ZDHHC7: variants seen among roughly 807,000 people sequenced by gnomAD.
The protein encoded by ZDHHC7 is zDHHC palmitoyltransferase 7.
Under a neutral mutation model 34.1 loss-of-function variants are expected in ZDHHC7, and 12 were observed. That is an observed-to-expected ratio of 0.35 (90% CI 0.23 to 0.57). The LOEUF is 0.57. ZDHHC7 is among the 20% of genes least tolerant of loss of function. The probability of loss-of-function intolerance (pLI) is 0.84; values close to 1 mark genes in which losing one functional copy is unlikely to be tolerated. For synonymous variants in ZDHHC7, 185 were observed against 155.4 expected, an observed-to-expected ratio of 1.19 and a Z score of -1.42; for missense variants, 388 against 402.7, an observed-to-expected ratio of 0.96 and a Z score of 0.31.
chr16:84,996,595 G>T (rs1247733395), intron 1 of ZDHHC7, among the ~76,000 whole-genome samples: 2 of 152,080 alleles, frequency 1.3e-5, no homozygotes, highest in Non-Finnish European at 2.9e-5. Flanking sequence ...CCAAGAAAAA[G>T]GTCTAAAGAC....
the ZDHHC7 span, among the ~76,000 whole-genome samples, chr16:85,023,159 CTTTCT>C: frequency 1.4e-3 from 209 of 150,394 alleles, no homozygotes; most frequent in African/African-American, 4.9e-3. Context: ...GTTTTCTTTT[CTTTCT>C]TTTCTTTTTT....
chr16:85,014,150 C>T (rs2072824817), upstream of ZDHHC7, among the ~76,000 whole-genome samples: 1 of 152,090 alleles, frequency 6.6e-6, no homozygotes, highest in Admixed American at 6.6e-5. Context: ...AATTCTTAGT[C>T]CCCACACTTT....
upstream of ZDHHC7, among the ~76,000 whole-genome samples, chr16:85,014,371 A>T (rs947655537): frequency 1.1e-4 from 16 of 152,204 alleles, no homozygotes; most frequent in Non-Finnish European, 1.9e-4. Flanking sequence ...GCACAGTTAC[A>T]ACAATCTGAT....
intron 6 of ZDHHC7, 106 bp from the exon 7 acceptor site, chr16:84,977,331 G>A (rs924515998): frequency 2.8e-6 from 4 of 1,439,256 alleles, no homozygotes; most frequent in Non-Finnish European, 3.8e-6. Flanking sequence ...CCAGCTTCCA[G>A]GGGGAAGTTG....
At chr16:84,990,889 G>T (rs1022092311) in intron 2 of ZDHHC7, among the ~76,000 whole-genome samples, 5 of 152,176 alleles carry the variant, frequency 3.3e-5, no homozygotes, top group Non-Finnish European at 7.4e-5. Flanking sequence ...GCCAGCCGTG[G>T]CCACATACAA....
chr16:84,986,345 C>T (rs1263433951), intron 3 of ZDHHC7, among the ~76,000 whole-genome samples: 1 of 152,244 alleles, frequency 6.6e-6, no homozygotes, highest in East Asian at 1.9e-4. Context: ...CGTGTTCTCA[C>T]ACGGATGCTA....
chr16:85,022,601 C>G, the ZDHHC7 span, among the ~76,000 whole-genome samples: 1 of 152,128 alleles, frequency 6.6e-6, no homozygotes, highest in Non-Finnish European at 1.5e-5. Flanking sequence ...TGCTAAACCA[C>G]TAGCTGAAAG....
At chr16:85,007,385 C>A (rs1224528189) in intron 1 of ZDHHC7, among the ~76,000 whole-genome samples, 6 of 146,238 alleles carry the variant, frequency 4.1e-5, no homozygotes, top group Non-Finnish European at 6.0e-5. Context: ...ACCACGCCAC[C>A]GCACTCCAGC....
chr16:85,014,765 G>C (rs1398134238), upstream of ZDHHC7, among the ~76,000 whole-genome samples: 1 of 152,194 alleles, frequency 6.6e-6, no homozygotes, highest in Non-Finnish European at 1.5e-5. Context: ...AATGGCCTAG[G>C]ACACAGCCCC....
In ZDHHC7 at chr16:84,979,281, A is replaced by C; in HGVS notation, c.445T>G (p.Cys149Gly). The C allele has an allele frequency of 6.2e-7, 1 of 1,609,598 alleles. No homozygotes were observed. The highest frequency in any genetic ancestry group is 8.5e-7 in the Non-Finnish European group (1 of 1,179,304). ...TCCATTTTCCGAATACATCTTTTGC[A>C]AATACTGAAAAGGAGAGTTTGATTT... ...KPERAHHCSI[C>G]KRCIRKMDHH... The change falls in exon 5 of 8, where the codon TGC becomes GGC. Residue 149 changes from cysteine to glycine, a missense_variant. Coordinates refer to ENST00000313732, the MANE Select transcript of ZDHHC7 (RefSeq NM_017740.3).
the ZDHHC7 span, among the ~76,000 whole-genome samples, chr16:85,025,228 G>A: frequency 6.6e-5 from 10 of 151,544 alleles, no homozygotes; most frequent in Non-Finnish European, 1.5e-4. Flanking sequence ...CTGAGATTGC[G>A]TCACTGCACT....
chr16:84,981,604 T>G (rs1282006956), intron 4 of ZDHHC7, among the ~76,000 whole-genome samples: 1 of 152,184 alleles, frequency 6.6e-6, no homozygotes, highest in African/African-American at 2.4e-5. Flanking sequence ...CCTCCTCCAG[T>G]TGTTGAGCCA....
intron 1 of ZDHHC7, among the ~76,000 whole-genome samples, chr16:84,999,591 A>G: frequency 6.6e-6 from 1 of 152,234 alleles, no homozygotes; most frequent in Non-Finnish European, 1.5e-5. Flanking sequence ...ATATTATGCT[A>G]AGTGAAAGAA....
chr16:84,986,926 A>T (rs1597540884), intron 3 of ZDHHC7, among the ~76,000 whole-genome samples: 1 of 152,080 alleles, frequency 6.6e-6, no homozygotes, highest in Non-Finnish European at 1.5e-5. Context: ...TCAACTCCCC[A>T]CTGGGAGAAC....
rs1733455312 is a variant in ZDHHC7, at chr16:84,974,591, T to A, written c.*1752A>T. On this transcript the variant is annotated 3_prime_UTR_variant, in exon 8 of 8. Coordinates refer to ENST00000313732, the MANE Select transcript of ZDHHC7 (RefSeq NM_017740.3). ...GGATTCAACCACTTGGATAATTGTT[T>A]TATTGATAACAGGATATACATATTA... 6.5e-6 allele frequency: 1 copy of A among 152,678 alleles called. No individual in the cohort carries two copies. The highest frequency in any genetic ancestry group is 2.1e-4 in the South Asian group (1 of 4,832). 9.5% of individuals were successfully genotyped at this position (152,678 alleles called of 1,614,324 possible). A position where few individuals can be genotyped will look rare whatever the true frequency, so the allele number is the denominator to read the frequency against.
intron 3 of ZDHHC7, chr16:84,988,655 C>A: frequency 1.1e-6 from 1 of 932,620 alleles, no homozygotes; most frequent in South Asian, 1.5e-5. Context: ...GCTGTAGAGT[C>A]TGAGCGCAGA....
At chr16:84,984,220 C>T (rs927435109) in intron 3 of ZDHHC7, among the ~76,000 whole-genome samples, 1 of 151,846 alleles carries the variant, frequency 6.6e-6, no homozygotes, top group Non-Finnish European at 1.5e-5. Flanking sequence ...GGGGTTTCGC[C>T]GTGTTGGCCA....
At chr16:85,002,081 G>C (rs777272982) in intron 1 of ZDHHC7, among the ~76,000 whole-genome samples, 2 of 152,074 alleles carry the variant, frequency 1.3e-5, no homozygotes, top group Non-Finnish European at 2.9e-5. Flanking sequence ...GCTTTTTCCA[G>C]GAAAATAAAA....
At chr16:85,017,988 G>A in the ZDHHC7 span, among the ~76,000 whole-genome samples, 1 of 152,266 alleles carries the variant, frequency 6.6e-6, no homozygotes, top group South Asian at 2.1e-4. Context: ...TCAAACCTGG[G>A]TGTTCTTGGA....
Sources: gnomAD v4.1 joint callset for allele counts (sites outside exome capture counted in the v4.1 genomes callset) on GRCh38, gnomAD v4.1.1 for gene constraint, MANE v1.5 for transcripts, NCBI Gene and HGNC (gene_info 2026-07-23, HGNC 2026-07-21) for gene names.